The following DCX variants were observed in gnomAD, a reference collection of about 807,000 sequenced individuals.
The protein encoded by DCX is neuronal migration protein doublecortin.
Under a neutral mutation model 20.9 loss-of-function variants are expected in DCX, and 4 were observed. The observed-to-expected ratio is 0.19, with a 90% CI of 0.09 to 0.44. DCX has a LOEUF of 0.44. Among genes scored for constraint, DCX ranks in the 20% least tolerant of loss-of-function variants. The probability of loss-of-function intolerance (pLI) is 0.99; values close to 1 mark genes in which losing one functional copy is unlikely to be tolerated. For synonymous variants in DCX, 103 were observed against 111.4 expected, an observed-to-expected ratio of 0.92 and a Z score of 0.47; for missense variants, 133 against 296.9, an observed-to-expected ratio of 0.45 and a Z score of 4.06.
chrX:111,371,021 T>C (rs756498506), intron 3 of DCX, among the ~76,000 whole-genome samples: 9 of 112,156 alleles, frequency 8.0e-5, no homozygotes, highest in Admixed American at 6.6e-4. Context: ...CCATCCTATT[T>C]TTAATGCATT....
chrX:111,344,030 A>C (rs1294015066), intron 3 of DCX, among the ~76,000 whole-genome samples: 1 of 111,991 alleles, frequency 8.9e-6, no homozygotes, highest in Non-Finnish European at 1.9e-5. Context: ...ACATCAAAAA[A>C]ACTTATGCAT....
chrX:111,389,693 G>C (rs1333668690), intron 3 of DCX, among the ~76,000 whole-genome samples: 1 of 111,406 alleles, frequency 9.0e-6, no homozygotes, highest in Admixed American at 9.5e-5. Flanking sequence ...ACTCCAGCCT[G>C]GGCGACAGAG....
At chrX:111,356,821 G>C (rs1315391859) in intron 3 of DCX, among the ~76,000 whole-genome samples, 1 of 112,069 alleles carries the variant, frequency 8.9e-6, no homozygotes, top group Non-Finnish European at 1.9e-5. Flanking sequence ...GATTTAGAAA[G>C]TTTCTAAACT....
intron 3 of DCX, among the ~76,000 whole-genome samples, chrX:111,346,598 T>C (rs903564836): frequency 8.9e-6 from 1 of 111,868 alleles, no homozygotes; most frequent in East Asian, 2.8e-4. Flanking sequence ...TTGGTTGTCA[T>C]GTTAAAAGTT....
intron 3 of DCX, among the ~76,000 whole-genome samples, chrX:111,378,320 C>T (rs901193908): frequency 1.8e-5 from 2 of 111,119 alleles, no homozygotes; most frequent in Non-Finnish European, 3.8e-5. Context: ...TTAGCGTGTA[C>T]GTGAATTACC....
chrX:111,409,928 G>T, intron 2 of DCX, 107 bp downstream of exon 2: 1 of 1,080,701 alleles, frequency 9.3e-7, no homozygotes, highest in Non-Finnish European at 1.3e-6. Flanking sequence ...TCAACCCGGT[G>T]TTTTGAAAAA....
chrX:111,298,860 G>A lies in DCX; in HGVS notation c.*2827C>T, dbSNP rs915483325. On this transcript the variant is annotated 3_prime_UTR_variant, in exon 7 of 7. Coordinates refer to ENST00000636035, the MANE Select transcript of DCX (RefSeq NM_001195553.2). Reference sequence around the variant, plus strand: ...CTTATGAAGTTAGTTGTTCAGCCCAGCCCCAATATATACATTTTCCCCTTC... The same window carrying A: ...CTTATGAAGTTAGTTGTTCAGCCCAACCCCAATATATACATTTTCCCCTTC... 2.7e-4 allele frequency: 30 copies of A among 111,434 alleles called. No individual in the cohort carries two copies. The highest frequency in any genetic ancestry group is 9.8e-4 in the African/African-American group (30 of 30,482). 9.2% of individuals were successfully genotyped at this position (111,434 alleles called of 1,213,427 possible).
At chrX:111,301,841 A>G (rs2095035028) in intron 6 of DCX, 98 bp from the exon 7 acceptor site, 2 of 765,113 alleles carry the variant, frequency 2.6e-6, no homozygotes, top group Non-Finnish European at 3.9e-6. Context: ...TTTAATTTTT[A>G]CAACATAATA....
intron 4 of DCX, among the ~76,000 whole-genome samples, chrX:111,332,526 G>C (rs190490728): frequency 9.0e-6 from 1 of 111,568 alleles, no homozygotes; most frequent in African/African-American, 3.3e-5. Context: ...ATGGGAAGAC[G>C]ATTAGATCCT....
chrX:111,315,984 A>C (rs2095069837), intron 5 of DCX, among the ~76,000 whole-genome samples: 1 of 56,199 alleles, frequency 1.8e-5, no homozygotes, highest in Non-Finnish European at 3.0e-5. Context: ...ATGCTAGATG[A>C]CACGTTAGTG....
At chrX:111,372,257 A>G (rs1347792742) in intron 3 of DCX, among the ~76,000 whole-genome samples, 1 of 112,163 alleles carries the variant, frequency 8.9e-6, no homozygotes, top group Non-Finnish European at 1.9e-5. Context: ...TTCCCCATTA[A>G]CACATTCAGC....
At chrX:111,307,865 T>C (rs1018157748) in intron 6 of DCX, among the ~76,000 whole-genome samples, 2 of 111,480 alleles carry the variant, frequency 1.8e-5, no homozygotes, top group African/African-American at 3.3e-5. Context: ...GAGAAGATTG[T>C]TCCAGACCTT....
At chrX:111,386,296 G>A (rs887021285) in intron 3 of DCX, among the ~76,000 whole-genome samples, 16 of 111,293 alleles carry the variant, frequency 1.4e-4, no homozygotes, top group African/African-American at 3.9e-4. Flanking sequence ...CACAGCCAGC[G>A]CTGTTAAGCT....
In DCX at chrX:111,300,384, T is replaced by C. The variant is rs754468429; in HGVS notation, c.*1303A>G. 4 of 112,822 alleles carry C rather than the reference T, an allele frequency of 3.5e-5. No homozygotes were observed. In the South Asian group the frequency reaches 1.5e-3, roughly 42 times the overall value. 9.3% of individuals were successfully genotyped at this position (112,822 alleles called of 1,213,427 possible). A position where few individuals can be genotyped will look rare whatever the true frequency, so the allele number is the denominator to read the frequency against. On this transcript the variant is annotated 3_prime_UTR_variant, in exon 7 of 7. Transcript: ENST00000636035. ...GTGAAAGATTTCTGTGTCTTCAGTA[T>C]GAAATATTAGGATTATAGATAAAAA...
At chrX:111,323,803 TGTG>T (rs1158746444) in intron 5 of DCX, among the ~76,000 whole-genome samples, 2 of 110,292 alleles carry the variant, frequency 1.8e-5, no homozygotes, top group African/African-American at 6.6e-5. Context: ...GGATGAGAAA[TGTG>T]GTGGCACCAC....
chrX:111,305,211 C>T (rs1404891477), intron 6 of DCX, among the ~76,000 whole-genome samples: 2 of 111,332 alleles, frequency 1.8e-5, no homozygotes, highest in Non-Finnish European at 3.8e-5. Flanking sequence ...AATTAAAGGA[C>T]ACTAGAAAGT....
chrX:111,394,202 C>A (rs1442165279), intron 3 of DCX, among the ~76,000 whole-genome samples: 7 of 111,586 alleles, frequency 6.3e-5, no homozygotes, highest in African/African-American at 2.3e-4. Context: ...CATGGATGAA[C>A]CTTGAAAACA....
At chrX:111,402,786 T>C (rs1312586148) in intron 2 of DCX, among the ~76,000 whole-genome samples, 9 of 8,389 alleles carry the variant, frequency 1.1e-3, no homozygotes, top group East Asian at 0.33. Context: ...GTGCGTGGTG[T>C]GTGTGTGTGT....
chrX:111,332,365 T>C (rs1921328299), intron 4 of DCX, among the ~76,000 whole-genome samples: 1 of 112,358 alleles, frequency 8.9e-6, no homozygotes, highest in East Asian at 2.8e-4. Flanking sequence ...ATTAGCAAAA[T>C]TCCCTTTGAT....
Sources: allele counts gnomAD v4.1 joint callset (sites outside exome capture counted in the v4.1 genomes callset), GRCh38; gene constraint gnomAD v4.1.1; transcripts MANE v1.5; gene names NCBI Gene and HGNC (gene_info 2026-07-23, HGNC 2026-07-21).